The following ERCC4 variants were observed in gnomAD, a reference collection of about 807,000 sequenced individuals.
The protein encoded by ERCC4 is DNA repair endonuclease XPF.
A neutral mutation model predicts 76.9 loss-of-function variants in ERCC4; 65 were observed. The ratio of observed to expected loss-of-function variants is 0.84; its 90% CI spans 0.69 to 1.04. ERCC4 has a LOEUF of 1.04. Ranked by LOEUF, ERCC4 falls within the 50% of genes least tolerant of loss-of-function variation. ERCC4 has a pLI of 0.00. For synonymous variants in ERCC4, 463 were observed against 410.1 expected, an observed-to-expected ratio of 1.13 and a Z score of -1.56; for missense variants, 1,214 against 1,128.2, an observed-to-expected ratio of 1.08 and a Z score of -1.09.
At chr16:13,946,333 CAG>C (rs2032512720) in intron 10 of ERCC4, among the ~76,000 whole-genome samples, 1 of 152,242 alleles carries the variant, frequency 6.6e-6, no homozygotes, top group African/African-American at 2.4e-5. Flanking sequence ...GCCTGCTGCA[CAG>C]CTAGGCTATG....
At chr16:13,931,596 TAGATATCCAAATGTTGTCATTTCAA>T (rs2032173297) in intron 5 of ERCC4, 1 of 157,356 alleles carries the variant, frequency 6.4e-6, no homozygotes, top group Non-Finnish European at 1.4e-5. Context: ...CTTCTACCTG[TAGATATCCAAATGTTGTCATTTCAA>T]AGTAAAAAAT....
intron 9 of ERCC4, among the ~76,000 whole-genome samples, 177 bp from the exon 10 acceptor site, chr16:13,944,546 T>G (rs1251793921): frequency 6.6e-6 from 1 of 152,248 alleles, no homozygotes; most frequent in African/African-American, 2.4e-5. Flanking sequence ...TTTTTCTACT[T>G]CCTTTACCCA....
Position 13,948,521 on chromosome 16 carries a change from C to A in ERCC4, c.*174C>A. The A allele has an allele frequency of 1.4e-6, 1 of 730,642 alleles. No individual in the cohort carries two copies. Among genetic ancestry groups the A allele is most frequent in the Admixed American group, 2.5e-5 (1 of 40,558 alleles). The allele number at this position is 730,642 out of a possible 1,614,324, so 45.3% of individuals were successfully genotyped here. A position where few individuals can be genotyped will look rare whatever the true frequency, so the allele number is the denominator to read the frequency against. ...CTCTGAACTCTGCAGTTAGGCATCA[C>A]TTGAACTTGCCTGTGCCTGCTCTTT... On this transcript the variant is annotated 3_prime_UTR_variant, in exon 11 of 11. Transcript: ENST00000311895.
rs71150154 is a variant in ERCC4, at chr16:13,937,086, A to ATTTTTTTT, written c.1812-671_1812-664dup. Among the ~76,000 whole-genome samples the ATTTTTTTT allele has an allele frequency of 1.7e-3, 221 of 128,702 alleles. 7 individuals carry two copies. The highest frequency in any genetic ancestry group is 2.9e-3 in the Admixed American group (36 of 12,588). The allele number at this position is 128,702 out of a possible 152,430, so 84.4% of individuals were successfully genotyped here. On this transcript the variant is annotated intron_variant, in intron 8 of 10. Transcript: ENST00000311895. ...AGGCATGTGCCACCATGCTCAACTA[A>ATTTTTTTT]TTTTTTTTTTTTTTTTGTAGAGATG...
chr16:13,950,403 T>C lies in ERCC4; in HGVS notation c.*2056T>C, dbSNP rs879353596. The stretch of plus-strand genomic sequence containing the variant: ...GAATTGAGGGGTATCAAGAACCAGA[T>C]TGGTTACAGTAGAACTCTGTAAGAT... On this transcript the variant is annotated 3_prime_UTR_variant, in exon 11 of 11. Coordinates refer to ENST00000311895, the MANE Select transcript of ERCC4 (RefSeq NM_005236.3). 1 of 186,624 alleles carries C rather than the reference T, an allele frequency of 5.4e-6. No individual in the cohort carries two copies. The highest frequency in any genetic ancestry group is 1.1e-5 in the Non-Finnish European group (1 of 88,508). 11.6% of individuals were successfully genotyped at this position (186,624 alleles called of 1,614,324 possible). A position where few individuals can be genotyped will look rare whatever the true frequency, so the allele number is the denominator to read the frequency against.
At chr16:13,939,177 G>A (rs1452884171) in intron 9 of ERCC4, among the ~76,000 whole-genome samples, 2 of 152,136 alleles carry the variant, frequency 1.3e-5, no homozygotes, top group Non-Finnish European at 2.9e-5. Context: ...CTTGTTCCAG[G>A]CTCTTTGCTC....
chr16:13,920,693 T>G (rs2031956174), intron 1 of ERCC4, among the ~76,000 whole-genome samples: 1 of 151,094 alleles, frequency 6.6e-6, no homozygotes, highest in African/African-American at 2.4e-5. Flanking sequence ...GGAATGCCAG[T>G]CCCTGACACT....
rs527241093 is a variant in ERCC4, at chr16:13,933,141, G to A, written c.1102+856G>A. ...TCAGCTACTTGAGAGGCTAAGGTGA[G>A]CCCAGGAGTTGAAGGTGACACCAAG... On this transcript the variant is annotated intron_variant, in intron 6 of 10. Transcript: ENST00000311895. 5.7e-4 allele frequency: 184 copies of A among 324,090 alleles called. 1 individual carries two copies. The highest frequency in any genetic ancestry group is 2.9e-3 in the Admixed American group (72 of 25,204). 20.1% of individuals were successfully genotyped at this position (324,090 alleles called of 1,614,324 possible).
At chr16:13,931,311 T>C (rs2032167227) in intron 5 of ERCC4, 1 of 192,636 alleles carries the variant, frequency 5.2e-6, no homozygotes, top group Non-Finnish European at 1.1e-5. Flanking sequence ...AATATACATA[T>C]ACAGCTGGCC....
Position 13,948,331 on chromosome 16 carries a change from G to A in ERCC4, c.2735G>A (p.Gly912Glu), listed in dbSNP as rs2020956. ...HTSFAEVVSK[G>E]KGKK ...TCTTTTGCAGAAGTCGTATCAAAAGGAAAAGGGAAAAAGTGAACAGTGATG... is the reference window on the plus strand; with the variant it reads ...TCTTTTGCAGAAGTCGTATCAAAAGAAAAAGGGAAAAAGTGAACAGTGATG... Residue 912 changes from glycine (G) to glutamate (E), a missense_variant, in exon 11 of 11, where the codon GGA (glycine) becomes GAA (glutamate). Physicochemically the swap from Gly to Glu is moderately conservative, Grantham distance 98. Coordinates refer to ENST00000311895, the MANE Select transcript of ERCC4 (RefSeq NM_005236.3). 1.6e-5 allele frequency: 26 copies of A among 1,611,322 alleles called. No individual in the cohort carries two copies. The Admixed American group carries it at 4.0e-4, about 25-fold the overall frequency.
chr16:13,940,362 T>G (rs2032389164), intron 9 of ERCC4, among the ~76,000 whole-genome samples: 1 of 150,126 alleles, frequency 6.7e-6, no homozygotes, highest in Admixed American at 6.7e-5. Flanking sequence ...CACTCCAGCC[T>G]GGGCAACCGA....
intron 4 of ERCC4, 105 bp from the exon 5 acceptor site, chr16:13,930,605 C>A: frequency 1.2e-6 from 1 of 843,382 alleles, no homozygotes; most frequent in Non-Finnish European, 1.9e-6. Flanking sequence ...ACCATTTTAA[C>A]CATTTTTAGA....
intron 4 of ERCC4, among the ~76,000 whole-genome samples, chr16:13,928,944 G>A (rs962439913): frequency 6.6e-6 from 1 of 152,116 alleles, no homozygotes. Context: ...GCAATAATGC[G>A]TGGCGATTAT....
At chr16:13,926,814 A>G (rs1312885993) in intron 3 of ERCC4, 58 bp downstream of exon 3, 1 of 1,339,862 alleles carries the variant, frequency 7.5e-7, no homozygotes, top group Non-Finnish European at 1.1e-6. Context: ...TGTTTGTGAG[A>G]TCTACTGTAA....
intron 6 of ERCC4, chr16:13,933,194 TGGGTGACAG>T (rs1040810223): frequency 1.5e-5 from 3 of 200,978 alleles, no homozygotes; most frequent in African/African-American, 7.1e-5. Flanking sequence ...TACTCCAGCC[TGGGTGACAG>T]AGTACGACTG....
intron 5 of ERCC4, 135 bp downstream of exon 5, chr16:13,931,025 A>G: frequency 2.9e-6 from 2 of 697,488 alleles, no homozygotes; most frequent in East Asian, 2.7e-5. Context: ...TTTTATGTTC[A>G]TAGCACAAAG....
chr16:13,926,385 A>G (rs1351755630), intron 2 of ERCC4, among the ~76,000 whole-genome samples, 176 bp from the exon 3 acceptor site: 2 of 151,526 alleles, frequency 1.3e-5, no homozygotes, highest in South Asian at 2.1e-4. Context: ...TTACGTATTT[A>G]TATTGTTTAT....
At position 13,948,108 on chromosome 16, in the gene ERCC4, C is replaced by G. The variant is rs771053699; in HGVS notation, c.2512C>G (p.Leu838Val). Residue 838 changes from leucine to valine, a missense_variant, in exon 11 of 11, where the codon CTT (leucine) becomes GTT (valine). Coordinates refer to ENST00000311895, the MANE Select transcript of ERCC4 (RefSeq NM_005236.3). ...ALAITADSET[L>V]PESEKYNPGP... ...GGCCATTACAGCAGATTCTGAAACC[C>G]TTCCCGAGTCAGAGAAGTATAATCC... The G allele has an allele frequency of 1.2e-6, 2 of 1,614,204 alleles. No individual in the cohort carries two copies. The highest frequency in any genetic ancestry group is 3.3e-5 in the Admixed American group (2 of 60,030).
chr16:13,926,521 C>A (rs764442528), intron 2 of ERCC4, 40 bp from the exon 3 acceptor site: 1 of 1,542,568 alleles, frequency 6.5e-7, no homozygotes, highest in Non-Finnish European at 9.0e-7. Context: ...TGGCAATTAC[C>A]TACCTGTTCT....
Sources: allele counts gnomAD v4.1 joint callset (sites outside exome capture counted in the v4.1 genomes callset), GRCh38; gene constraint gnomAD v4.1.1; transcripts MANE v1.5; gene names NCBI Gene and HGNC (gene_info 2026-07-23, HGNC 2026-07-21).